TMEM181: variants seen among roughly 807,000 people sequenced by gnomAD.
TMEM181 encodes the protein transmembrane protein 181.
TMEM181 carries 39 observed loss-of-function variants against 71.9 expected under a neutral mutation model. That is an observed-to-expected ratio of 0.54 (90% confidence interval 0.42 to 0.71). The LOEUF (loss-of-function observed/expected upper bound fraction) is 0.71, where lower values mean the gene tolerates loss of function less well. TMEM181 is among the 30% of genes least tolerant of loss of function. The pLI, the probability that TMEM181 is intolerant of heterozygous loss-of-function variation, is 0.00. For synonymous variants in TMEM181, 245 were observed against 228.8 expected, an observed-to-expected ratio of 1.07 and a Z score of -0.64; for missense variants, 595 against 583.0, an observed-to-expected ratio of 1.02 and a Z score of -0.21.
rs1332377320 is a variant in TMEM181 at position 158,635,403 on chromosome 6, G to C, written c.*3515G>C. 1 of 152,202 alleles carries C rather than the reference G, an allele frequency of 6.6e-6. No homozygotes were observed. Among genetic ancestry groups the C allele is most frequent in the Non-Finnish European group, 1.5e-5 (1 of 68,038 alleles). The allele number at this position is 152,202 out of a possible 1,614,324, so 9.4% of individuals were successfully genotyped here. A position where few individuals can be genotyped will look rare whatever the true frequency, so the allele number is the denominator to read the frequency against. On this transcript the variant is annotated 3_prime_UTR_variant, in exon 17 of 17. Transcript: ENST00000684151. ...CTTAATTCTGACACTACCTTTCTGG[G>C]AAATGTTAATAAATTTTTAATATTC...
At position 158,607,390 on chromosome 6, in the gene TMEM181, A is replaced by G. The variant is rs536126170; in HGVS notation, c.673+47A>G. The G allele has an allele frequency of 1.9e-6, 3 of 1,564,464 alleles. No individual in the cohort carries two copies. In the East Asian group the frequency reaches 6.7e-5, roughly 35 times the overall value. On this transcript the variant is annotated intron_variant, in intron 8 of 16. Transcript: ENST00000684151. ...TAGGAACTTTTCCCTTTAAAATGTA[A>G]AGCTGGAGGCCAGGTGCAGGGTTGT...
chr6:158,557,505 ATTATTTAT>A (rs4022177), upstream of TMEM181, among the ~76,000 whole-genome samples: 18 of 146,942 alleles, frequency 1.2e-4, no homozygotes, highest in East Asian at 4.0e-4. Context: ...CACAGCTGTA[ATTATTTAT>A]TTATTTATTT....
At chr6:158,553,993 AC>A (rs1449423582) in intron 1 of TMEM181, among the ~76,000 whole-genome samples, 1 of 151,192 alleles carries the variant, frequency 6.6e-6, no homozygotes, top group Non-Finnish European at 1.5e-5. Flanking sequence ...CAGAACCCCC[AC>A]CTCCCGGGTT....
intron 7 of TMEM181, 54 bp from the exon 8 acceptor site, chr6:158,607,190 C>CTG: frequency 1.4e-6 from 2 of 1,445,654 alleles, no homozygotes; most frequent in South Asian, 2.3e-5. Flanking sequence ...TGAGCAAAGG[C>CTG]TGCAGGCAAG....
chr6:158,549,179 G>A (rs1215301685), intron 1 of TMEM181, among the ~76,000 whole-genome samples: 3 of 146,554 alleles, frequency 2.0e-5, no homozygotes, highest in Admixed American at 6.9e-5. Flanking sequence ...GCCCAGTGGC[G>A]CGATCACGGC....
At chr6:158,608,495 G>A (rs1430800218) in intron 9 of TMEM181, 32 bp downstream of exon 9, 2 of 1,613,962 alleles carry the variant, frequency 1.2e-6, no homozygotes, top group Non-Finnish European at 1.7e-6. Flanking sequence ...TGCCGGGGGA[G>A]GTTCCAGACT....
chr6:158,614,961 T>C (rs1033101878), intron 10 of TMEM181, among the ~76,000 whole-genome samples: 19 of 152,208 alleles, frequency 1.2e-4, no homozygotes, highest in African/African-American at 4.3e-4. Flanking sequence ...TGTGCATGTG[T>C]CTTTATAGTA....
chr6:158,622,289 C>A (rs1415807580), intron 10 of TMEM181, among the ~76,000 whole-genome samples: 2 of 152,020 alleles, frequency 1.3e-5, no homozygotes, highest in East Asian at 3.9e-4. Context: ...TTCAAAATAT[C>A]CTGTATTCTT....
intron 10 of TMEM181, among the ~76,000 whole-genome samples, chr6:158,616,125 G>A (rs1785598186): frequency 1.3e-5 from 2 of 152,186 alleles, no homozygotes; most frequent in African/African-American, 4.8e-5. Flanking sequence ...AGCATGGAAT[G>A]TTCTTCCATT....
In TMEM181 at chr6:158,573,526, A is replaced by AAGG; in HGVS notation, c.112+4_112+6dup. 2 of 1,599,298 alleles carry AAGG rather than the reference A, an allele frequency of 1.3e-6. No homozygotes were observed. The highest frequency in any genetic ancestry group is 2.7e-5 in the African/African-American group (2 of 74,632). On this transcript the variant is annotated splice_donor_region_variant and intron_variant, in intron 2 of 16. Coordinates refer to ENST00000684151, the MANE Select transcript of TMEM181 (RefSeq NM_001376852.1). ...GACCATCTTCGTTGGGATCAGAGGT[A>AAGG]AGGTTCGGTTTTTACTCATTGAATC...
chr6:158,555,091 T>C (rs926523864), upstream of TMEM181, among the ~76,000 whole-genome samples: 5 of 152,244 alleles, frequency 3.3e-5, no homozygotes, highest in Non-Finnish European at 7.3e-5. Context: ...AGCCTTGAAC[T>C]AGTAACAAAT....
chr6:158,611,800 G>T (rs1174700512), intron 10 of TMEM181: 1 of 195,146 alleles, frequency 5.1e-6, no homozygotes, highest in Non-Finnish European at 1.0e-5. Context: ...ACCTGAGAGG[G>T]CCTTCTGGCC....
At chr6:158,616,316 A>AT (rs565892945) in intron 10 of TMEM181, among the ~76,000 whole-genome samples, 514 of 152,188 alleles carry the variant, frequency 3.4e-3, no homozygotes, top group African/African-American at 0.012. Flanking sequence ...AATGTTTGTG[A>AT]TTTTTGCACA....
chr6:158,537,276 C>G (rs1238688907), intron 1 of TMEM181, among the ~76,000 whole-genome samples: 2 of 152,088 alleles, frequency 1.3e-5, no homozygotes, highest in African/African-American at 4.8e-5. Flanking sequence ...GGGAGGCGAC[C>G]GCGCGCGCTG....
Position 158,598,617 on chromosome 6 carries a change from C to T in TMEM181, c.493-6650C>T, listed in dbSNP as rs558508215. 1.6e-4 allele frequency among the ~76,000 whole-genome samples: 23 copies of T among 144,390 alleles called. No homozygotes were observed. In the East Asian group the frequency reaches 5.3e-3, roughly 33 times the overall value. 94.7% of individuals were successfully genotyped at this position (144,390 alleles called of 152,430 possible). A position where few individuals can be genotyped will look rare whatever the true frequency, so the allele number is the denominator to read the frequency against. ...AACCCCCCAGTATTCCTGGACAGTG[C>T]GTTTCATGTTTTTTTTTTTATTTTT... On this transcript the variant is annotated intron_variant, in intron 6 of 16. Transcript: ENST00000684151.
At chr6:158,591,714 C>T (rs972268498) in intron 6 of TMEM181, among the ~76,000 whole-genome samples, 1 of 152,048 alleles carries the variant, frequency 6.6e-6, no homozygotes, top group Non-Finnish European at 1.5e-5. Flanking sequence ...TCCCTTTCAT[C>T]ATCTTCTTTA....
chr6:158,626,958 T>TCACC (rs1786333683), intron 13 of TMEM181, among the ~76,000 whole-genome samples: 7 of 66,424 alleles, frequency 1.1e-4, no homozygotes, highest in African/African-American at 3.5e-4. Context: ...TCACCCTCAC[T>TCACC]CACACCCTCT....
At chr6:158,587,695 A>C (rs150850044) in intron 5 of TMEM181, among the ~76,000 whole-genome samples, 61 of 148,254 alleles carry the variant, frequency 4.1e-4, no homozygotes, top group African/African-American at 1.3e-3. Flanking sequence ...AAGGCTTTCC[A>C]CGCCTTGCAG....
At chr6:158,623,475 G>A in intron 10 of TMEM181, 75 bp from the exon 11 acceptor site, 2 of 1,073,256 alleles carry the variant, frequency 1.9e-6, no homozygotes, top group Admixed American at 3.1e-5. Context: ...AAAACAAAAA[G>A]TCAATAAGAA....
Sources: gnomAD v4.1 joint callset for allele counts (sites outside exome capture counted in the v4.1 genomes callset) on GRCh38, gnomAD v4.1.1 for gene constraint, MANE v1.5 for transcripts, NCBI Gene and HGNC (gene_info 2026-07-23, HGNC 2026-07-21) for gene names.